The following CLNK variants were observed in gnomAD, a reference collection of about 807,000 sequenced individuals.
CLNK encodes the protein cytokine-dependent hematopoietic cell linker.
In CLNK, 74 loss-of-function variants were observed where a neutral mutation model predicts 68.6. The observed-to-expected ratio is 1.08, with a 90% CI of 0.89 to 1.31. CLNK has a LOEUF of 1.31. Among genes scored for constraint, CLNK ranks in the 50% most tolerant of loss-of-function variants. The pLI, the probability that CLNK is intolerant of heterozygous loss-of-function variation, is 0.00. For synonymous variants in CLNK, 198 were observed against 172.2 expected (o/e 1.15, Z -1.17); for missense variants, 553 against 515.3 (o/e 1.07, Z -0.71).
At position 10,508,505 on chromosome 4, in the gene CLNK, G is replaced by C. The variant is rs529721153; in HGVS notation, c.907-469C>G. Among the ~76,000 whole-genome samples, 26 of 152,264 alleles carry C rather than the reference G, an allele frequency of 1.7e-4. 2 individuals are homozygous for C. Among genetic ancestry groups the C allele is most frequent in the African/African-American group, 4.8e-4 (20 of 41,548 alleles). ...CCGCTGAGCTATGATTCGGATCCTAGTTTATCTAGCTTTCTCCCTGGGCCG... is the reference window on the plus strand; with the variant it reads ...CCGCTGAGCTATGATTCGGATCCTACTTTATCTAGCTTTCTCCCTGGGCCG... On this transcript the variant is annotated intron_variant, in intron 16 of 18. Coordinates refer to ENST00000226951, the MANE Select transcript of CLNK (RefSeq NM_052964.4).
At chr4:10,656,458 T>C in intron 2 of CLNK, 1 of 151,006 alleles carries the variant, frequency 6.6e-6, no homozygotes, top group Non-Finnish European at 1.5e-5. Context: ...GTCAACAAAA[T>C]ACAGATTAAA....
At chr4:10,597,465 G>A (rs1198209019) in intron 3 of CLNK, among the ~76,000 whole-genome samples, 1 of 152,202 alleles carries the variant, frequency 6.6e-6, no homozygotes, top group Non-Finnish European at 1.5e-5. Context: ...CTCCTTGAGG[G>A]AGAGACTTTG....
chr4:10,694,435 A>G, the CLNK span, among the ~76,000 whole-genome samples: 1 of 152,076 alleles, frequency 6.6e-6, no homozygotes, highest in South Asian at 2.1e-4. Flanking sequence ...TATACAACGA[A>G]GGTCCCACAA....
rs1232143356 is a variant in CLNK, at chr4:10,566,158, G to A, written c.151-8C>T. 5.0e-6 allele frequency: 8 copies of A among 1,613,068 alleles called. No homozygotes were observed. Among genetic ancestry groups the A allele is most frequent in the African/African-American group, 4.0e-5 (3 of 74,892 alleles). The stretch of plus-strand genomic sequence containing the variant: ...TGCAGCAAAGTTTCTTTCCTAAGCA[G>A]GTGGTAACATTCCAGTGAGTCAAAG... On this transcript the variant is annotated splice_polypyrimidine_tract_variant and splice_region_variant and intron_variant, in intron 5 of 18. Transcript: ENST00000226951.
intron 1 of CLNK, among the ~76,000 whole-genome samples, chr4:10,676,299 A>G (rs143890599): frequency 1.5e-3 from 225 of 152,264 alleles, no homozygotes; most frequent in Non-Finnish European, 2.5e-3. Context: ...CAGTCAGATC[A>G]ATCAGCTCAA....
intron 2 of CLNK, among the ~76,000 whole-genome samples, chr4:10,631,486 G>T (rs1465114622): frequency 6.6e-6 from 1 of 152,100 alleles, no homozygotes; most frequent in Non-Finnish European, 1.5e-5. Flanking sequence ...TGTAAGTTTT[G>T]CAGATCTTTG....
chr4:10,501,397 C>A lies in CLNK; in HGVS notation c.999G>T (p.Leu333Phe). The A allele has an allele frequency of 6.2e-7, 1 of 1,609,162 alleles. No homozygotes were observed. The highest frequency in any genetic ancestry group is 1.3e-5 in the African/African-American group (1 of 74,744). ...TGGATTTTGTGGAACAATCTCGGAC[C>A]AAGAAACTACCATCCTGAAGCAAAA... is the stretch of plus-strand genomic sequence containing the variant. ...FMKENKDGSF[L>F]VRDCSTKSKE... The change falls in exon 18 of 19, where the codon TTG (leucine) becomes TTT (phenylalanine). Residue 333 changes from leucine to phenylalanine, a missense_variant. Leu to Phe is a conservative substitution (Grantham distance 22). Coordinates refer to ENST00000226951, the MANE Select transcript of CLNK (RefSeq NM_052964.4).
intron 2 of CLNK, among the ~76,000 whole-genome samples, chr4:10,655,940 C>A (rs1458501234): frequency 6.6e-6 from 1 of 151,976 alleles, no homozygotes; most frequent in African/African-American, 2.4e-5. Context: ...TGAGCCACTG[C>A]GCCCGGCCGA....
intron 2 of CLNK, among the ~76,000 whole-genome samples, chr4:10,655,270 A>T (rs1309651979): frequency 6.6e-6 from 1 of 151,210 alleles, no homozygotes; most frequent in African/African-American, 2.4e-5. Context: ...CGTCATAAAG[A>T]TGTCATTTAT....
chr4:10,549,121 T>C (rs1232981077), intron 8 of CLNK, among the ~76,000 whole-genome samples: 1 of 152,218 alleles, frequency 6.6e-6, no homozygotes, highest in African/African-American at 2.4e-5. Flanking sequence ...TTGTGTAGTA[T>C]AATATCGGCA....
In CLNK at chr4:10,558,470, G is replaced by C; in HGVS notation, c.400-18C>G. ...TTGTCCACCTGTACAAGACAATGAG[G>C]CACCATTATCTCTTCAGTTGTGACT... is the stretch of plus-strand genomic sequence containing the variant. On this transcript the variant is annotated intron_variant, in intron 7 of 18. Transcript: ENST00000226951. The C allele has an allele frequency of 6.2e-7, 1 of 1,611,462 alleles. No individual in the cohort carries two copies. The highest frequency in any genetic ancestry group is 8.5e-7 in the Non-Finnish European group (1 of 1,177,970).
chr4:10,587,501 CA>C (rs2108838616), intron 3 of CLNK, among the ~76,000 whole-genome samples: 1 of 152,314 alleles, frequency 6.6e-6, no homozygotes, highest in South Asian at 2.1e-4. Flanking sequence ...ATTAATTGAA[CA>C]TCGCAACACA....
intron 2 of CLNK, among the ~76,000 whole-genome samples, chr4:10,664,795 G>T (rs1724326636): frequency 6.6e-6 from 1 of 152,228 alleles, no homozygotes; most frequent in Non-Finnish European, 1.5e-5. Flanking sequence ...GAAACCCGAA[G>T]GTGGAGAATA....
At chr4:10,661,939 C>A (rs146589598) in intron 2 of CLNK, among the ~76,000 whole-genome samples, 1 of 152,124 alleles carries the variant, frequency 6.6e-6, no homozygotes, top group African/African-American at 2.4e-5. Context: ...TATACCTCTA[C>A]GAATCTCTCC....
intron 5 of CLNK, among the ~76,000 whole-genome samples, chr4:10,568,882 A>C (rs1040051761): frequency 6.6e-6 from 1 of 152,230 alleles, no homozygotes; most frequent in Non-Finnish European, 1.5e-5. Context: ...CAAGCTGCCA[A>C]ATCTGTGGGG....
intron 2 of CLNK, among the ~76,000 whole-genome samples, chr4:10,654,708 G>T (rs182684765): frequency 6.6e-6 from 1 of 151,976 alleles, no homozygotes; most frequent in African/African-American, 2.4e-5. Context: ...GAAGCCTGTT[G>T]TCTGCATCCC....
chr4:10,690,323 C>A, the CLNK span, among the ~76,000 whole-genome samples: 12 of 152,122 alleles, frequency 7.9e-5, no homozygotes, highest in Non-Finnish European at 1.8e-4. Context: ...AAGAGCTCAT[C>A]CGGCAGAGGC....
the CLNK span, among the ~76,000 whole-genome samples, chr4:10,729,011 T>A: frequency 3.3e-5 from 5 of 152,222 alleles, no homozygotes; most frequent in Non-Finnish European, 7.3e-5. Context: ...GAATCATATC[T>A]TTTGCCATGA....
intron 1 of CLNK, among the ~76,000 whole-genome samples, chr4:10,682,560 C>T (rs1725133897): frequency 6.6e-6 from 1 of 152,210 alleles, no homozygotes; most frequent in Non-Finnish European, 1.5e-5. Flanking sequence ...AAAATGTATT[C>T]TTCCTCCCAG....
Sources: gnomAD v4.1 joint callset for allele counts (sites outside exome capture counted in the v4.1 genomes callset) on GRCh38, gnomAD v4.1.1 for gene constraint, MANE v1.5 for transcripts, NCBI Gene and HGNC (gene_info 2026-07-23, HGNC 2026-07-21) for gene names.